Variants in CLVS1 observed in about 807,000 individuals in gnomAD.
The protein encoded by CLVS1 is clavesin-1.
In CLVS1, 10 loss-of-function variants were observed where a neutral mutation model predicts 33.1. The ratio of observed to expected loss-of-function variants is 0.30; its 90% CI spans 0.19 to 0.51. The LOEUF is 0.51. Ranked by LOEUF, CLVS1 falls within the 20% of genes least tolerant of loss-of-function variation. CLVS1 has a pLI of 0.97. For missense variants in CLVS1, 343 were observed against 433.4 expected (o/e 0.79, Z 1.85); for synonymous variants, 163 against 166.1 (o/e 0.98, Z 0.14).
At chr8:61,030,048 C>T in the CLVS1 span, among the ~76,000 whole-genome samples, 2 of 152,310 alleles carry the variant, frequency 1.3e-5, no homozygotes, top group East Asian at 1.9e-4. Flanking sequence ...CTGGCCCAGC[C>T]GGCCTCTGCA....
At chr8:61,223,402 G>A (rs1808263556) in intron 2 of CLVS1, among the ~76,000 whole-genome samples, 1 of 152,262 alleles carries the variant, frequency 6.6e-6, no homozygotes, top group South Asian at 2.1e-4. Context: ...GCATTTGCTT[G>A]TCTGGAAAGG....
chr8:61,453,900 C>T (rs1403132789), intron 3 of CLVS1, among the ~76,000 whole-genome samples: 3 of 152,106 alleles, frequency 2.0e-5, no homozygotes, highest in Non-Finnish European at 1.5e-5. Flanking sequence ...AAAAGACAGG[C>T]CTGGAACCCA....
intron 2 of CLVS1, among the ~76,000 whole-genome samples, chr8:61,335,418 G>A (rs931045247): frequency 1.3e-5 from 2 of 152,218 alleles, no homozygotes; most frequent in African/African-American, 4.8e-5. Flanking sequence ...GATGGAGTCG[G>A]TTAAGTTAGA....
chr8:61,232,023 GTTTT>G (rs1158042227), intron 2 of CLVS1, among the ~76,000 whole-genome samples: 2 of 62,628 alleles, frequency 3.2e-5, no homozygotes, highest in Non-Finnish European at 7.8e-5. Flanking sequence ...GAAAGTTGTG[GTTTT>G]TTTTTTTTTT....
At chr8:61,017,455 G>A in the CLVS1 span, among the ~76,000 whole-genome samples, 1 of 152,250 alleles carries the variant, frequency 6.6e-6, no homozygotes, top group Non-Finnish European at 1.5e-5. Context: ...TGCCTGTCCA[G>A]AAGGCAACAT....
intron 2 of CLVS1, among the ~76,000 whole-genome samples, chr8:61,136,254 A>G (rs1049609555): frequency 6.6e-6 from 1 of 152,206 alleles, no homozygotes; most frequent in East Asian, 1.9e-4. Context: ...AGGTCAAGGG[A>G]GGCTGGAGAT....
At chr8:61,209,619 A>G (rs939778342) in intron 2 of CLVS1, among the ~76,000 whole-genome samples, 5 of 152,218 alleles carry the variant, frequency 3.3e-5, no homozygotes, top group African/African-American at 9.7e-5. Context: ...GATGATGGCC[A>G]TGTTTTTCGA....
intron 2 of CLVS1, among the ~76,000 whole-genome samples, chr8:61,339,342 C>T (rs1811929081): frequency 6.6e-6 from 1 of 152,136 alleles, no homozygotes; most frequent in Admixed American, 6.5e-5. Context: ...AGGCAGAGGT[C>T]TAGGAGTCAG....
At chr8:61,434,190 C>T (rs987460388) in intron 3 of CLVS1, among the ~76,000 whole-genome samples, 2 of 151,940 alleles carry the variant, frequency 1.3e-5, no homozygotes, top group African/African-American at 4.8e-5. Flanking sequence ...GTCCCCAGAC[C>T]CAAATTTTAG....
At chr8:61,222,059 G>T (rs1808229495) in intron 2 of CLVS1, among the ~76,000 whole-genome samples, 1 of 151,986 alleles carries the variant, frequency 6.6e-6, no homozygotes, top group South Asian at 2.1e-4. Context: ...GTGTCTATTT[G>T]ATTTTTCTCT....
At chr8:61,442,903 G>T (rs184559211) in intron 3 of CLVS1, among the ~76,000 whole-genome samples, 1 of 152,250 alleles carries the variant, frequency 6.6e-6, no homozygotes, top group East Asian at 1.9e-4. Context: ...CTGGCCGGAG[G>T]TGTCACTATT....
At chr8:61,096,496 A>G (rs754172553) in intron 1 of CLVS1, among the ~76,000 whole-genome samples, 6 of 152,266 alleles carry the variant, frequency 3.9e-5, no homozygotes, top group Non-Finnish European at 5.9e-5. Context: ...ATGATTCTTT[A>G]TAGTGAATCT....
chr8:61,411,028 G>A (rs917030201), intron 3 of CLVS1, among the ~76,000 whole-genome samples: 2 of 152,148 alleles, frequency 1.3e-5, no homozygotes, highest in East Asian at 3.8e-4. Flanking sequence ...TTGTCAGATG[G>A]ACAAATGCAG....
intron 2 of CLVS1, among the ~76,000 whole-genome samples, chr8:61,275,518 T>C (rs996994389): frequency 2.6e-5 from 4 of 152,194 alleles, no homozygotes; most frequent in Non-Finnish European, 5.9e-5. Context: ...ACTAAAAATT[T>C]AGGTCGTTAA....
At chr8:61,251,192 G>C (rs1181350830) in intron 2 of CLVS1, among the ~76,000 whole-genome samples, 2 of 152,114 alleles carry the variant, frequency 1.3e-5, no homozygotes, top group East Asian at 3.8e-4. Flanking sequence ...TTTGTCATTG[G>C]TTCTGTTTAT....
intron 2 of CLVS1, among the ~76,000 whole-genome samples, chr8:61,250,300 A>G (rs934192963): frequency 1.3e-5 from 2 of 152,172 alleles, no homozygotes; most frequent in African/African-American, 4.8e-5. Flanking sequence ...TATCAGTACC[A>G]TGCTGTTTTG....
At chr8:61,183,233 T>G (rs1321845465) in intron 2 of CLVS1, among the ~76,000 whole-genome samples, 1 of 151,932 alleles carries the variant, frequency 6.6e-6, no homozygotes, top group Non-Finnish European at 1.5e-5. Context: ...AGATGATGGG[T>G]TCATAGGTTC....
rs189917521 is a variant in CLVS1 at position 61,413,295 on chromosome 8, A to G, written c.630+36516A>G. 3.4e-3 allele frequency among the ~76,000 whole-genome samples: 517 copies of G among 152,322 alleles called. 1 individual carries two copies. The highest frequency in any genetic ancestry group is 5.8e-3 in the Non-Finnish European group (392 of 68,034). ...AAAGAATATATTATATTCCATTAGT[A>G]TTGCAATACAGTTGTTTTTGGTTAT... is the stretch of plus-strand genomic sequence containing the variant. On this transcript the variant is annotated intron_variant, in intron 3 of 5. Transcript: ENST00000325897.
intron 1 of CLVS1, among the ~76,000 whole-genome samples, chr8:61,124,214 G>A (rs908475520): frequency 6.6e-6 from 1 of 152,206 alleles, no homozygotes; most frequent in African/African-American, 2.4e-5. Flanking sequence ...AAAATCCAGT[G>A]TGGTTGAGTT....
Sources: gnomAD v4.1 joint callset for allele counts (sites outside exome capture counted in the v4.1 genomes callset) on GRCh38, gnomAD v4.1.1 for gene constraint, MANE v1.5 for transcripts, NCBI Gene and HGNC (gene_info 2026-07-23, HGNC 2026-07-21) for gene names.